The following TSC1 variants were observed in gnomAD, a reference collection of about 807,000 sequenced individuals.
The protein encoded by TSC1 is TSC complex subunit 1.
Under a neutral mutation model 124.3 loss-of-function variants are expected in TSC1, and 20 were observed. The ratio of observed to expected loss-of-function variants is 0.16; its 90% CI spans 0.11 to 0.23. The LOEUF (loss-of-function observed/expected upper bound fraction) is 0.23. TSC1 is among the 10% of genes least tolerant of loss of function. The pLI is 1.00. For missense variants in TSC1, 1,124 were observed against 1,448.5 expected, an observed-to-expected ratio of 0.78 and a Z score of 3.64; for synonymous variants, 493 against 539.1, an observed-to-expected ratio of 0.91 and a Z score of 1.19.
intron 20 of TSC1, chr9:132,900,446 G>A (rs747915687): frequency 2.0e-5 from 9 of 460,476 alleles, no homozygotes; most frequent in African/African-American, 4.0e-5. Flanking sequence ...GCAGCCTAGG[G>A]AAGAGAAAGG....
intron 1 of TSC1, among the ~76,000 whole-genome samples, chr9:132,943,071 T>G (rs922515741): frequency 1.3e-5 from 2 of 152,256 alleles, no homozygotes; most frequent in African/African-American, 4.8e-5. Context: ...TAATGCTTCC[T>G]GAAATTTACA....
chr9:132,916,780 G>C (rs1206638068), intron 8 of TSC1, among the ~76,000 whole-genome samples: 2 of 152,114 alleles, frequency 1.3e-5, no homozygotes, highest in Non-Finnish European at 2.9e-5. Flanking sequence ...CTCCCTTCTG[G>C]AGCACTCTCT....
intron 2 of TSC1, chr9:132,931,202 T>C (rs1847184445): frequency 2.0e-5 from 3 of 152,234 alleles, no homozygotes; most frequent in African/African-American, 7.2e-5. Flanking sequence ...ATAAAATTGT[T>C]ACTTACCTAC....
In TSC1 at chr9:132,894,693, T is replaced by TAA. The variant is rs748099884; in HGVS notation, c.*1540_*1541dup. 1,073 of 114,004 alleles carry TAA rather than the reference T, an allele frequency of 9.4e-3. 19 individuals carry two copies. The highest frequency in any genetic ancestry group is 0.033 in the African/African-American group (836 of 25,344). The allele number at this position is 114,004 out of a possible 1,614,324, so 7.1% of individuals were successfully genotyped here. The stretch of plus-strand genomic sequence containing the variant: ...GATGCTAGAATATTTATTGCCATGC[T>TAA]AAAAAAAAAAAAAAAAAAAAAAGAC... On this transcript the variant is annotated 3_prime_UTR_variant, in exon 23 of 23. Coordinates refer to ENST00000298552, the MANE Select transcript of TSC1 (RefSeq NM_000368.5).
rs1845327520 is a variant in TSC1, at chr9:132,900,733, C to G, written c.2607G>C (p.Lys869Asn). 6.2e-7 allele frequency: 1 copy of G among 1,614,148 alleles called. No homozygotes were observed. The highest frequency in any genetic ancestry group is 8.5e-7 in the Non-Finnish European group (1 of 1,180,010). Residue 869 changes from lysine to asparagine, a missense_variant, in exon 20 of 23, where the codon AAG becomes AAC. Transcript: ENST00000298552. The stretch of plus-strand genomic sequence containing the variant: ...GGCATACCTTTGTGGTATCTGAGTG[C>G]TTGTTCTGCAGTTGTTCCAAATAGA... Reference protein sequence around the residue: ...NELYLEQLQNKHSDTTKEVEM... With the variant: ...NELYLEQLQNNHSDTTKEVEM...
rs1306376604 is a variant in TSC1, at chr9:132,921,502, A to G, written c.664-66T>C. Reference sequence around the variant, plus strand: ...TTGTGGAACATCCAAATGATGGAATATTAGTTGACAATTAAAAGGAATGAA... The same window carrying G: ...TTGTGGAACATCCAAATGATGGAATGTTAGTTGACAATTAAAAGGAATGAA... On this transcript the variant is annotated intron_variant, in intron 7 of 22. Coordinates refer to ENST00000298552, the MANE Select transcript of TSC1 (RefSeq NM_000368.5). This position sits in a 1 kb window ranked among gnomAD's most constrained non-coding sequence, Gnocchi z 4.3. 4 of 1,554,912 alleles carry G rather than the reference A, an allele frequency of 2.6e-6. No individual in the cohort carries two copies. In the African/African-American group the frequency reaches 5.4e-5, roughly 21 times the overall value.
intron 12 of TSC1, 181 bp downstream of exon 12, chr9:132,910,390 A>T: frequency 2.6e-6 from 3 of 1,145,896 alleles, no homozygotes; most frequent in Non-Finnish European, 3.8e-6. Context: ...TTTTGGAACC[A>T]CCCAGGGGTC....
At chr9:132,900,874 G>A (rs756392360) in intron 19 of TSC1, 37 bp from the exon 20 acceptor site, 13 of 1,613,128 alleles carry the variant, frequency 8.1e-6, no homozygotes, top group African/African-American at 8.0e-5. Context: ...AAAATCCGAC[G>A]ACATAAAACT....
intron 3 of TSC1, among the ~76,000 whole-genome samples, chr9:132,927,604 C>A (rs1178446327): frequency 1.4e-5 from 2 of 139,216 alleles, no homozygotes; most frequent in Non-Finnish European, 3.0e-5. Context: ...CTCACTGCAA[C>A]CTCTGCCTCC....
At chr9:132,916,452 T>C (rs2132066019) in intron 8 of TSC1, among the ~76,000 whole-genome samples, 1 of 152,336 alleles carries the variant, frequency 6.6e-6, no homozygotes, top group East Asian at 1.9e-4. Flanking sequence ...GAAGTGAGGA[T>C]TGAGGACTCT....
chr9:132,917,967 T>C (rs1846351213), intron 8 of TSC1, among the ~76,000 whole-genome samples: 1 of 152,216 alleles, frequency 6.6e-6, no homozygotes, highest in South Asian at 2.1e-4. Flanking sequence ...CCTCTTAATG[T>C]TGGTGTCTGT....
intron 2 of TSC1, among the ~76,000 whole-genome samples, chr9:132,930,987 C>A (rs1397067974): frequency 1.3e-5 from 2 of 152,178 alleles, no homozygotes; most frequent in Admixed American, 1.3e-4. Flanking sequence ...ACACTCGCTG[C>A]ATAGTACCTG....
In TSC1 at chr9:132,892,393, T is replaced by G. The variant is rs2131531948; in HGVS notation, c.*3842A>C. 4.3e-6 allele frequency: 1 copy of G among 233,364 alleles called. No individual in the cohort carries two copies. Among genetic ancestry groups the G allele is most frequent in the South Asian group, 1.8e-4 (1 of 5,536 alleles). The allele number at this position is 233,364 out of a possible 1,614,324, so 14.5% of individuals were successfully genotyped here. ...CAGACTGGATACATTTTTCCAATAC[T>G]TGTTGCGGGTCGGTTTTAAAGCATG... is the stretch of plus-strand genomic sequence containing the variant. On this transcript the variant is annotated 3_prime_UTR_variant, in exon 23 of 23. Transcript: ENST00000298552.
At chr9:132,932,161 G>T (rs1057219352) in intron 2 of TSC1, among the ~76,000 whole-genome samples, 1 of 152,204 alleles carries the variant, frequency 6.6e-6, no homozygotes, top group Non-Finnish European at 1.5e-5. Flanking sequence ...ATTATCTTTA[G>T]TGGCCACATA....
Position 132,905,669 on chromosome 9 carries a change from C to T in TSC1, c.1909G>A (p.Glu637Lys), listed in dbSNP as rs575639692. Residue 637 changes from glutamate to lysine, a missense_variant, in exon 15 of 23, where the codon GAA becomes AAA. This residue lies in a region of TSC1 where 321 missense variants were observed against 397.4 expected (regional missense o/e 0.81). Coordinates refer to ENST00000298552, the MANE Select transcript of TSC1 (RefSeq NM_000368.5). ...GGGGAGGTAGAGGGCACACCATCTT[C>T]CTCTGTGTTTCCTTTTGCTTTCTTT... ...LLKKAKGNTE[E>K]DGVPSTSPME... is the part of the protein sequence containing the mutation. 16 of 1,614,226 alleles carry T rather than the reference C, an allele frequency of 9.9e-6. No individual in the cohort carries two copies. The South Asian group carries it at 1.6e-4, about 17-fold the overall frequency.
intron 1 of TSC1, chr9:132,941,460 C>T (rs887547739): frequency 1.3e-5 from 2 of 152,220 alleles, no homozygotes; most frequent in African/African-American, 2.4e-5. Context: ...GTATTTCATG[C>T]TACCCAAATT....
At chr9:132,930,983 G>A (rs371950349) in intron 2 of TSC1, among the ~76,000 whole-genome samples, 1 of 152,078 alleles carries the variant, frequency 6.6e-6, no homozygotes, top group Non-Finnish European at 1.5e-5. Context: ...ATAAACACTC[G>A]CTGCATAGTA....
chr9:132,892,638 T>A lies in TSC1; in HGVS notation c.*3597A>T, dbSNP rs1454757790. On this transcript the variant is annotated 3_prime_UTR_variant, in exon 23 of 23. Transcript: ENST00000298552. Reference sequence around the variant, plus strand: ...GTGCAGGCCTCCTCCCACCTCTTAGTGCTTTCAGCGAGAAAAGGTGAGTCT... The same window carrying A: ...GTGCAGGCCTCCTCCCACCTCTTAGAGCTTTCAGCGAGAAAAGGTGAGTCT... 4.3e-6 allele frequency: 1 copy of A among 233,304 alleles called. No homozygotes were observed. The highest frequency in any genetic ancestry group is 8.5e-6 in the Non-Finnish European group (1 of 118,114). 14.5% of individuals were successfully genotyped at this position (233,304 alleles called of 1,614,324 possible). A position where few individuals can be genotyped will look rare whatever the true frequency, so the allele number is the denominator to read the frequency against.
chr9:132,910,030 G>C (rs2131925697), intron 12 of TSC1: 1 of 163,850 alleles, frequency 6.1e-6, no homozygotes, highest in African/African-American at 2.4e-5. Flanking sequence ...CAGGTGTGGT[G>C]GCTCAAACCT....
Sources: allele counts gnomAD v4.1 joint callset (sites outside exome capture counted in the v4.1 genomes callset), GRCh38; gene constraint gnomAD v4.1.1; regional missense constraint gnomAD v4.1.1; non-coding constraint Gnocchi (gnomAD v3.1); transcripts MANE v1.5; gene names NCBI Gene and HGNC (gene_info 2026-07-23, HGNC 2026-07-21).